Variants in BCL2 observed in about 807,000 individuals in gnomAD.
BCL2 encodes the protein BCL2 apoptosis regulator.
Under a neutral mutation model 14.2 loss-of-function variants are expected in BCL2, and 1 was observed. The observed-to-expected ratio is 0.07, with a 90% confidence interval of 0.02 to 0.33. The LOEUF (loss-of-function observed/expected upper bound fraction) is 0.33. Ranked by LOEUF, BCL2 falls within the 10% of genes least tolerant of loss-of-function variation. The pLI, the probability that BCL2 is intolerant of heterozygous loss-of-function variation, is 0.99. For missense variants in BCL2, 247 were observed against 305.9 expected (o/e 0.81, Z 1.44); for synonymous variants, 151 against 137.2 (o/e 1.10, Z -0.70).
chr18:63,229,000 A>G (rs1243445853), intron 2 of BCL2, among the ~76,000 whole-genome samples: 2 of 152,344 alleles, frequency 1.3e-5, no homozygotes, highest in Non-Finnish European at 2.9e-5. Context: ...ATGAGCCACC[A>G]CGCCCGGCCT....
rs9959358 is a variant in BCL2 at position 63,179,738 on chromosome 18, G to T, written c.586-50979C>A. On this transcript the variant is annotated intron_variant, in intron 2 of 2. Coordinates refer to ENST00000333681, the MANE Select transcript of BCL2 (RefSeq NM_000633.3). ...CACATTGATTAAGTCAAGAGATTCC[G>T]ATCAAGCCCTCTCATCCTCATTCCT... is the stretch of plus-strand genomic sequence containing the variant. Among the ~76,000 whole-genome samples, 571 of 152,288 alleles carry T rather than the reference G, an allele frequency of 3.7e-3. 3 individuals are homozygous for T. The highest frequency in any genetic ancestry group is 0.013 in the African/African-American group (534 of 41,536).
intron 2 of BCL2, among the ~76,000 whole-genome samples, chr18:63,187,771 T>C (rs1323298631): frequency 6.6e-6 from 1 of 152,226 alleles, no homozygotes; most frequent in Non-Finnish European, 1.5e-5. Flanking sequence ...ATCTCTAAAA[T>C]CAAAACCAGG....
intron 2 of BCL2, among the ~76,000 whole-genome samples, chr18:63,249,919 G>A (rs920154692): frequency 2.0e-5 from 3 of 152,068 alleles, no homozygotes; most frequent in African/African-American, 2.4e-5. Flanking sequence ...GAAGGAAAGG[G>A]AAGCCAGTGC....
chr18:63,256,059 C>T lies in BCL2; in HGVS notation c.585+62023G>A, dbSNP rs193045586. Among the ~76,000 whole-genome samples the T allele has an allele frequency of 3.2e-3, 492 of 152,096 alleles. 3 individuals carry two copies. Among genetic ancestry groups the T allele is most frequent in the Non-Finnish European group, 4.6e-3 (316 of 68,002 alleles). On this transcript the variant is annotated intron_variant, in intron 2 of 2. Transcript: ENST00000333681. ...TGATGGTTAATTAATCAAATATAGT[C>T]GATGGGATACATTTAGTCAATAATA...
chr18:63,198,675 C>A (rs1443402348), intron 2 of BCL2, among the ~76,000 whole-genome samples: 1 of 139,354 alleles, frequency 7.2e-6, no homozygotes, highest in East Asian at 2.3e-4. Flanking sequence ...GACACAAAGA[C>A]ACAACAGACA....
chr18:63,270,030 T>C (rs774869406), intron 2 of BCL2, among the ~76,000 whole-genome samples: 19 of 152,310 alleles, frequency 1.2e-4, no homozygotes, highest in Non-Finnish European at 2.6e-4. Context: ...GTGCTCATTA[T>C]ACTCAACATC....
chr18:63,204,387 AG>A (rs1909777787), intron 2 of BCL2, among the ~76,000 whole-genome samples: 1 of 152,224 alleles, frequency 6.6e-6, no homozygotes, highest in Non-Finnish European at 1.5e-5. Flanking sequence ...AAACCTCCAC[AG>A]CGGGGCCAAC....
At chr18:63,133,740 C>G (rs187717486) in intron 2 of BCL2, among the ~76,000 whole-genome samples, 1 of 152,224 alleles carries the variant, frequency 6.6e-6, no homozygotes, top group Non-Finnish European at 1.5e-5. Context: ...CCCTTATGCC[C>G]AGGTAAAGGT....
At chr18:63,157,789 C>T (rs1914820476) in intron 2 of BCL2, among the ~76,000 whole-genome samples, 1 of 152,148 alleles carries the variant, frequency 6.6e-6, no homozygotes, top group South Asian at 2.1e-4. Flanking sequence ...CACCACTGCT[C>T]CCGCAGGAGT....
intron 2 of BCL2, among the ~76,000 whole-genome samples, chr18:63,255,412 C>T (rs933445621): frequency 1.3e-5 from 2 of 152,154 alleles, no homozygotes; most frequent in Non-Finnish European, 2.9e-5. Context: ...CTTCATTTAT[C>T]CTTACAATGA....
At chr18:63,130,300 G>C (rs1432750047) in intron 2 of BCL2, among the ~76,000 whole-genome samples, 1 of 152,162 alleles carries the variant, frequency 6.6e-6, no homozygotes, top group African/African-American at 2.4e-5. Context: ...TTTATTACAG[G>C]AAACAGTAAC....
At chr18:63,183,279 G>T (rs1434065227) in intron 2 of BCL2, among the ~76,000 whole-genome samples, 4 of 152,162 alleles carry the variant, frequency 2.6e-5, no homozygotes, top group Admixed American at 2.6e-4. Flanking sequence ...TAGCAGTGAG[G>T]GAGAGAAAGA....
At chr18:63,218,255 G>C (rs1314129535) in intron 2 of BCL2, among the ~76,000 whole-genome samples, 1 of 151,890 alleles carries the variant, frequency 6.6e-6, no homozygotes, top group Non-Finnish European at 1.5e-5. Flanking sequence ...TGTTCTTTCT[G>C]AGTCCCCTCT....
rs561126765 is a variant in BCL2 at position 63,156,711 on chromosome 18, G to C, written c.586-27952C>G. 4.6e-5 allele frequency among the ~76,000 whole-genome samples: 7 copies of C among 152,328 alleles called. No individual in the cohort carries two copies. The East Asian group carries it at 7.7e-4, about 17-fold the overall frequency. On this transcript the variant is annotated intron_variant, in intron 2 of 2. Coordinates refer to ENST00000333681, the MANE Select transcript of BCL2 (RefSeq NM_000633.3). ...TCTCCTCCCAAGTCCAGACGTTGTG[G>C]GTTGGGGGTGGGGGTGCAGGAATGC...
chr18:63,169,355 T>C (rs1915153402), intron 2 of BCL2, among the ~76,000 whole-genome samples: 1 of 63,092 alleles, frequency 1.6e-5, no homozygotes, highest in South Asian at 6.6e-4. Flanking sequence ...CTTTCTTTCT[T>C]TCTTTCTTTC....
intron 2 of BCL2, among the ~76,000 whole-genome samples, chr18:63,220,820 A>G (rs1039179224): frequency 9.3e-5 from 9 of 96,332 alleles, no homozygotes; most frequent in African/African-American, 3.0e-4. Context: ...CTTCAAGGAG[A>G]AAAAAAAAAA....
At chr18:63,289,465 G>A (rs1471798748) in intron 2 of BCL2, among the ~76,000 whole-genome samples, 3 of 152,266 alleles carry the variant, frequency 2.0e-5, no homozygotes, top group South Asian at 2.1e-4. Flanking sequence ...AAGGCAGGGC[G>A]GGTTCAGAGC....
intron 2 of BCL2, among the ~76,000 whole-genome samples, chr18:63,181,644 TATC>T (rs1366189618): frequency 6.6e-6 from 1 of 152,242 alleles, no homozygotes; most frequent in Non-Finnish European, 1.5e-5. Context: ...TTCTAAGGTC[TATC>T]ATCATTAAGC....
At chr18:63,189,927 T>C (rs17679032) in intron 2 of BCL2, among the ~76,000 whole-genome samples, 7,184 of 152,232 alleles carry the variant, frequency 0.047, 246 homozygotes, top group Non-Finnish European at 0.075. Flanking sequence ...TTGAATTCTA[T>C]AAAAATCTGT....
Sources: allele counts gnomAD v4.1 joint callset (sites outside exome capture counted in the v4.1 genomes callset), GRCh38; gene constraint gnomAD v4.1.1; transcripts MANE v1.5; gene names NCBI Gene and HGNC (gene_info 2026-07-23, HGNC 2026-07-21).